ARHGAP26: variants seen among roughly 807,000 people sequenced by gnomAD.
The protein encoded by ARHGAP26 is Rho GTPase activating protein 26, also known as rho GTPase-activating protein 26.
Under a neutral mutation model 104.8 loss-of-function variants are expected in ARHGAP26, and 38 were observed. The ratio of observed to expected loss-of-function variants is 0.36; its 90% confidence interval spans 0.28 to 0.48. The LOEUF (loss-of-function observed/expected upper bound fraction) is 0.48. ARHGAP26 is among the 20% of genes least tolerant of loss of function. The pLI is 0.99. For missense variants in ARHGAP26, 704 were observed against 947.9 expected (o/e 0.74, Z 3.38); for synonymous variants, 341 against 340.0 (o/e 1.00, Z -0.03).
intron 19 of ARHGAP26, among the ~76,000 whole-genome samples, chr5:143,146,141 A>T (rs2150975170): frequency 6.6e-6 from 1 of 152,344 alleles, no homozygotes; most frequent in East Asian, 1.9e-4. Flanking sequence ...AGTTGATTTT[A>T]ATATGGTATA....
chr5:143,039,528 A>ATT (rs201764945), intron 13 of ARHGAP26, among the ~76,000 whole-genome samples: 6 of 149,962 alleles, frequency 4.0e-5, no homozygotes, highest in Non-Finnish European at 4.4e-5. Context: ...AGGAGTTTTA[A>ATT]TTTTTTTTTT....
chr5:143,192,436 C>CCA (rs1806082217), intron 20 of ARHGAP26: 1 of 152,254 alleles, frequency 6.6e-6, no homozygotes, highest in African/African-American at 2.4e-5. Flanking sequence ...GGCCCACAGG[C>CCA]CACATCCAGC....
At chr5:142,913,078 G>T in intron 9 of ARHGAP26, 121 bp from the exon 10 acceptor site, 1 of 859,348 alleles carries the variant, frequency 1.2e-6, no homozygotes. Context: ...ACTGCCCATG[G>T]TCATGAGCAC....
At chr5:142,775,032 G>A (rs1305378248) in intron 1 of ARHGAP26, among the ~76,000 whole-genome samples, 1 of 152,012 alleles carries the variant, frequency 6.6e-6, no homozygotes, top group Non-Finnish European at 1.5e-5. Flanking sequence ...GAATAGAGCC[G>A]ATATAAACAT....
intron 1 of ARHGAP26, among the ~76,000 whole-genome samples, chr5:142,776,879 C>A (rs952196122): frequency 6.6e-6 from 1 of 152,194 alleles, no homozygotes; most frequent in African/African-American, 2.4e-5. Flanking sequence ...CACATTCCCA[C>A]CAACAATGTA....
At chr5:142,907,934 A>C in intron 9 of ARHGAP26, 130 bp downstream of exon 9, 2 of 482,894 alleles carry the variant, frequency 4.1e-6, no homozygotes, top group Admixed American at 8.6e-5. Context: ...ATAATTTAAA[A>C]AATTTTTATA....
At chr5:142,983,465 C>T (rs1233780854) in intron 11 of ARHGAP26, among the ~76,000 whole-genome samples, 1 of 152,190 alleles carries the variant, frequency 6.6e-6, no homozygotes, top group East Asian at 1.9e-4. Flanking sequence ...CTCGGCCTCT[C>T]AAAGTGCTGG....
In ARHGAP26 at chr5:143,227,301, A is replaced by G. The variant is rs1811748231; in HGVS notation, c.*4855A>G. The G allele has an allele frequency of 8.7e-6, 2 of 230,474 alleles. No homozygotes were observed. The highest frequency in any genetic ancestry group is 5.7e-5 in the Admixed American group (1 of 17,678). 14.3% of individuals were successfully genotyped at this position (230,474 alleles called of 1,614,324 possible). ...TACCTGACTTTAAAAGGAATGACCT[A>G]GGTGTTCTGCCAAAGGAGTTATCTA... On this transcript the variant is annotated 3_prime_UTR_variant, in exon 23 of 23. Coordinates refer to ENST00000645722, the MANE Select transcript of ARHGAP26 (RefSeq NM_001135608.3).
At chr5:142,964,235 T>C (rs764265703) in intron 11 of ARHGAP26, among the ~76,000 whole-genome samples, 3 of 152,170 alleles carry the variant, frequency 2.0e-5, no homozygotes, top group Non-Finnish European at 4.4e-5. Context: ...AAGCATGAAA[T>C]GTAAGTAGGC....
At chr5:143,104,860 GA>G (rs762401598) in intron 17 of ARHGAP26, among the ~76,000 whole-genome samples, 1 of 152,016 alleles carries the variant, frequency 6.6e-6, no homozygotes, top group Admixed American at 6.6e-5. Flanking sequence ...GTGTGTGTCT[GA>G]AAAAAACATG....
intron 20 of ARHGAP26, among the ~76,000 whole-genome samples, chr5:143,197,629 T>C (rs1311000630): frequency 6.6e-6 from 1 of 152,234 alleles, no homozygotes; most frequent in Non-Finnish European, 1.5e-5. Context: ...ATTTTTATGT[T>C]GTAGGCTGCC....
At chr5:142,981,401 C>A (rs1308478619) in intron 11 of ARHGAP26, among the ~76,000 whole-genome samples, 1 of 152,198 alleles carries the variant, frequency 6.6e-6, no homozygotes, top group Non-Finnish European at 1.5e-5. Flanking sequence ...ATTAACAACA[C>A]ACAAACACAA....
chr5:143,189,294 A>C (rs1805568384), intron 20 of ARHGAP26, among the ~76,000 whole-genome samples: 1 of 152,144 alleles, frequency 6.6e-6, no homozygotes, highest in Non-Finnish European at 1.5e-5. Context: ...TTTAATCCTA[A>C]ATGTTTAACC....
intron 1 of ARHGAP26, among the ~76,000 whole-genome samples, chr5:142,855,647 T>C (rs1051790659): frequency 1.3e-5 from 2 of 152,238 alleles, no homozygotes; most frequent in Non-Finnish European, 2.9e-5. Context: ...TGTCTTCATC[T>C]TCTGTCCATC....
At chr5:143,134,152 A>G (rs1311917388) in intron 19 of ARHGAP26, 47 bp downstream of exon 19, 3 of 1,571,820 alleles carry the variant, frequency 1.9e-6, no homozygotes, top group East Asian at 2.3e-5. Flanking sequence ...GGGACATCCC[A>G]TGCTACCTGC....
intron 11 of ARHGAP26, chr5:142,946,482 A>C (rs990061367): frequency 6.6e-6 from 1 of 152,190 alleles, no homozygotes; most frequent in Admixed American, 6.5e-5. Context: ...TTGCAAAAGA[A>C]AGTTCTTATA....
chr5:142,791,466 A>G (rs1445948248), intron 1 of ARHGAP26, among the ~76,000 whole-genome samples: 1 of 152,168 alleles, frequency 6.6e-6, no homozygotes, highest in African/African-American at 2.4e-5. Flanking sequence ...AAGTAGCACT[A>G]TGCAGGAAGG....
At chr5:142,898,505 T>G (rs1344793394) in intron 6 of ARHGAP26, among the ~76,000 whole-genome samples, 1 of 152,202 alleles carries the variant, frequency 6.6e-6, no homozygotes, top group African/African-American at 2.4e-5. Context: ...TCCCTCTGCT[T>G]CTGTCCCATT....
rs1354384733 is a variant in ARHGAP26, at chr5:142,771,453, G to A, written c.154+538G>A. On this transcript the variant is annotated intron_variant, in intron 1 of 22. Coordinates refer to ENST00000645722, the MANE Select transcript of ARHGAP26 (RefSeq NM_001135608.3). ...CCGGGTTCCCTGGGTGGAATGCTTG[G>A]TTAGCTTGCGATTCCTTGGAGTATT... The A allele has an allele frequency of 6.6e-6, 8 of 1,218,620 alleles. No homozygotes were observed. The East Asian group carries it at 2.5e-4, about 39-fold the overall frequency. 75.5% of individuals were successfully genotyped at this position (1,218,620 alleles called of 1,614,324 possible).
Sources: gnomAD v4.1 joint callset for allele counts (sites outside exome capture counted in the v4.1 genomes callset) on GRCh38, gnomAD v4.1.1 for gene constraint, MANE v1.5 for transcripts, NCBI Gene and HGNC (gene_info 2026-07-23, HGNC 2026-07-21) for gene names.